Variants in RARB observed in about 807,000 individuals in gnomAD.
RARB encodes HBV-activated protein.
Under a neutral mutation model 51.9 loss-of-function variants are expected in RARB, and 17 were observed. The observed-to-expected ratio is 0.33, with a 90% CI of 0.22 to 0.49. RARB has a LOEUF of 0.49. Ranked by LOEUF, RARB falls within the 20% of genes least tolerant of loss-of-function variation. The pLI, the probability that RARB is intolerant of heterozygous loss-of-function variation, is 0.99. For missense variants in RARB, 369 were observed against 550.8 expected, an observed-to-expected ratio of 0.67 and a Z score of 3.30; for synonymous variants, 215 against 195.4, an observed-to-expected ratio of 1.10 and a Z score of -0.84.
intron 1 of RARB, among the ~76,000 whole-genome samples, chr3:24,842,731 T>G (rs1702434629): frequency 1.3e-5 from 2 of 152,260 alleles, no homozygotes; most frequent in Non-Finnish European, 2.9e-5. Flanking sequence ...TTGTAAGGTT[T>G]CTGACACTCC....
chr3:25,443,294 G>A (rs1197345124), intron 1 of RARB, among the ~76,000 whole-genome samples: 2 of 152,092 alleles, frequency 1.3e-5, no homozygotes, highest in African/African-American at 4.8e-5. Flanking sequence ...AAACTGGCCT[G>A]AAAACATGAG....
chr3:24,900,459 C>T (rs1448317249), intron 2 of RARB, among the ~76,000 whole-genome samples: 2 of 152,126 alleles, frequency 1.3e-5, no homozygotes, highest in Admixed American at 6.5e-5. Context: ...ATGAGTCTTC[C>T]TTGGAAGTAT....
chr3:25,054,094 A>G (rs535380603), intron 2 of RARB, among the ~76,000 whole-genome samples: 5 of 152,260 alleles, frequency 3.3e-5, no homozygotes, highest in Non-Finnish European at 7.4e-5. Flanking sequence ...GATCAAAGCT[A>G]AAACCTATGA....
At chr3:24,939,626 C>T (rs565099883) in intron 2 of RARB, among the ~76,000 whole-genome samples, 2 of 152,264 alleles carry the variant, frequency 1.3e-5, no homozygotes, top group African/African-American at 4.8e-5. Flanking sequence ...CTTTTTCAAG[C>T]TCATATACAG....
intron 3 of RARB, among the ~76,000 whole-genome samples, chr3:25,060,445 A>G (rs1187761779): frequency 2.0e-5 from 3 of 151,826 alleles, no homozygotes; most frequent in Admixed American, 1.3e-4. Flanking sequence ...AGGGTTGCAA[A>G]CTATAAGGGG....
At chr3:24,932,493 T>G (rs1339325866) in intron 2 of RARB, among the ~76,000 whole-genome samples, 1 of 145,308 alleles carries the variant, frequency 6.9e-6, no homozygotes, top group Admixed American at 6.9e-5. Context: ...CAATAGCAAC[T>G]CTAAAGTGCT....
At chr3:25,535,512 C>T (rs1196562388) in intron 3 of RARB, among the ~76,000 whole-genome samples, 2 of 151,570 alleles carry the variant, frequency 1.3e-5, no homozygotes, top group Non-Finnish European at 2.9e-5. Flanking sequence ...CTGCACCCAT[C>T]AGCCCCTCAT....
At chr3:25,050,905 C>A (rs1198121870) in intron 2 of RARB, among the ~76,000 whole-genome samples, 1 of 152,196 alleles carries the variant, frequency 6.6e-6, no homozygotes, top group African/African-American at 2.4e-5. Context: ...CACTCCTCTT[C>A]AACTCAACAG....
At chr3:25,509,069 C>A (rs1339799781) in intron 3 of RARB, among the ~76,000 whole-genome samples, 1 of 152,120 alleles carries the variant, frequency 6.6e-6, no homozygotes, top group Non-Finnish European at 1.5e-5. Context: ...AGTACATTCT[C>A]ACCTTAGAAA....
rs1701213682 is a variant in RARB, at chr3:25,582,421, ACCCAGCAGGGCCTGGAGCCTT to A, written c.786+1705_786+1725del. Among the ~76,000 whole-genome samples the A allele has an allele frequency of 2.0e-5, 3 of 151,948 alleles. No homozygotes were observed. The South Asian group carries it at 6.2e-4, about 32-fold the overall frequency. On this transcript the variant is annotated intron_variant, in intron 5 of 7. Coordinates refer to ENST00000330688, the MANE Select transcript of RARB (RefSeq NM_000965.5). ...TCTGACAGCCCTGCATCACGCAGCCACCCAGCAGGGCCTGGAGCCTTCCCAGGCCTCAGGCTCTGACCTTGA... is the reference window on the plus strand; with the variant it reads ...TCTGACAGCCCTGCATCACGCAGCCACCCAGGCCTCAGGCTCTGACCTTGA...
intron 2 of RARB, among the ~76,000 whole-genome samples, chr3:25,046,840 G>A (rs935433846): frequency 6.6e-6 from 1 of 152,150 alleles, no homozygotes; most frequent in Non-Finnish European, 1.5e-5. Flanking sequence ...ACTATAGTAG[G>A]TGCATATAAT....
intron 3 of RARB, among the ~76,000 whole-genome samples, chr3:25,530,015 A>G (rs1698830162): frequency 6.6e-6 from 1 of 151,962 alleles, no homozygotes; most frequent in African/African-American, 2.4e-5. Flanking sequence ...TCCCTGAGCA[A>G]CCCACGGACC....
intron 4 of RARB, among the ~76,000 whole-genome samples, chr3:25,141,720 A>G (rs1700110663): frequency 6.6e-6 from 1 of 152,216 alleles, no homozygotes; most frequent in Non-Finnish European, 1.5e-5. Context: ...TTTTCTTAAA[A>G]GGAGTGCTTT....
intron 2 of RARB, among the ~76,000 whole-genome samples, chr3:24,997,396 T>C (rs775684564): frequency 3.9e-5 from 6 of 151,986 alleles, no homozygotes; most frequent in Non-Finnish European, 8.8e-5. Context: ...TTTTTTTTAA[T>C]CTAGTCTTTA....
chr3:24,949,703 C>A (rs1409170528), intron 2 of RARB, among the ~76,000 whole-genome samples: 1 of 152,194 alleles, frequency 6.6e-6, no homozygotes, highest in Admixed American at 6.5e-5. Context: ...CAGATCTTAG[C>A]ATTCCTGGGA....
At chr3:25,548,482 A>C (rs570432283) in intron 3 of RARB, among the ~76,000 whole-genome samples, 2 of 152,278 alleles carry the variant, frequency 1.3e-5, no homozygotes, top group Admixed American at 1.3e-4. Flanking sequence ...ACCAGCATTC[A>C]GATTCCCTTG....
intron 2 of RARB, among the ~76,000 whole-genome samples, chr3:24,988,703 T>C (rs1049702659): frequency 6.6e-6 from 1 of 152,262 alleles, no homozygotes; most frequent in African/African-American, 2.4e-5. Context: ...TGCAATGATA[T>C]CAAATTATTG....
intron 5 of RARB, among the ~76,000 whole-genome samples, chr3:25,282,213 G>C (rs893944344): frequency 2.0e-5 from 3 of 152,050 alleles, no homozygotes; most frequent in African/African-American, 7.2e-5. Flanking sequence ...TCTTCCCTCC[G>C]TTGCCTTGCT....
intron 5 of RARB, among the ~76,000 whole-genome samples, chr3:25,322,444 G>A (rs1257868411): frequency 6.6e-6 from 1 of 152,102 alleles, no homozygotes; most frequent in Non-Finnish European, 1.5e-5. Context: ...ACAAAAGTAA[G>A]TTCTGATTTT....
Sources: gnomAD v4.1 joint callset for allele counts (sites outside exome capture counted in the v4.1 genomes callset) on GRCh38, gnomAD v4.1.1 for gene constraint, MANE v1.5 for transcripts, NCBI Gene and HGNC (gene_info 2026-07-23, HGNC 2026-07-21) for gene names.